CDKAL1: variants seen among roughly 807,000 people sequenced by gnomAD.
The protein encoded by CDKAL1 is threonylcarbamoyladenosine tRNA methylthiotransferase.
In CDKAL1, 32 loss-of-function variants were observed where a neutral mutation model predicts 68.2. That is an observed-to-expected ratio of 0.47 (90% CI 0.35 to 0.63). The LOEUF is 0.63. Ranked by LOEUF, CDKAL1 falls within the 30% of genes least tolerant of loss-of-function variation. The pLI is 0.00. For missense variants in CDKAL1, 606 were observed against 696.7 expected (o/e 0.87, Z 1.47); for synonymous variants, 234 against 244.3 (o/e 0.96, Z 0.39).
At chr6:20,603,083 T>C (rs2127714307) in intron 4 of CDKAL1, among the ~76,000 whole-genome samples, 1 of 152,326 alleles carries the variant, frequency 6.6e-6, no homozygotes, top group South Asian at 2.1e-4. Context: ...GTGATTTTTC[T>C]TCCTCTTCTA....
At chr6:20,567,821 C>T (rs1282391440) in intron 4 of CDKAL1, among the ~76,000 whole-genome samples, 1 of 152,130 alleles carries the variant, frequency 6.6e-6, no homozygotes, top group Non-Finnish European at 1.5e-5. Context: ...TCAAGAGATC[C>T]TCCTGCCTCA....
rs546339615 is a variant in CDKAL1 at position 21,004,140 on chromosome 6, C to T, written c.1055+3768C>T. ...ATAGCATTTAAGATTGAAATCCAAA[C>T]TGTGGGAGTTTACCTGAAGCTGCAA... On this transcript the variant is annotated intron_variant, in intron 11 of 15. Coordinates refer to ENST00000274695, the MANE Select transcript of CDKAL1 (RefSeq NM_017774.3). Among the ~76,000 whole-genome samples, 6 of 152,228 alleles carry T rather than the reference C, an allele frequency of 3.9e-5. No individual in the cohort carries two copies. The South Asian group carries it at 1.2e-3, about 32-fold the overall frequency.
At chr6:21,191,465 G>C (rs1034251891) in intron 13 of CDKAL1, among the ~76,000 whole-genome samples, 3 of 152,190 alleles carry the variant, frequency 2.0e-5, no homozygotes, top group African/African-American at 7.2e-5. Context: ...ATTGCTATTT[G>C]TTTGTCACAG....
rs1475970859 is a variant in CDKAL1 at position 20,575,458 on chromosome 6, A to G, written c.286+26753A>G. On this transcript the variant is annotated intron_variant, in intron 4 of 15. Coordinates refer to ENST00000274695, the MANE Select transcript of CDKAL1 (RefSeq NM_017774.3). ...GGGCACCACAAAAAAAAAAAAAAAA[A>G]AAAAGAAAGCAAACTGCTTTTAGAA... 4.0e-5 allele frequency among the ~76,000 whole-genome samples: 6 copies of G among 151,592 alleles called. No homozygotes were observed. The East Asian group carries it at 7.7e-4, about 19-fold the overall frequency.
At chr6:21,148,414 A>T (rs1776274785) in intron 13 of CDKAL1, among the ~76,000 whole-genome samples, 1 of 152,244 alleles carries the variant, frequency 6.6e-6, no homozygotes, top group Admixed American at 6.5e-5. Flanking sequence ...ATTAATCACC[A>T]GCTAGTCAAA....
At chr6:21,096,097 G>A (rs890627826) in intron 12 of CDKAL1, among the ~76,000 whole-genome samples, 6 of 152,138 alleles carry the variant, frequency 3.9e-5, no homozygotes, top group Admixed American at 3.9e-4. Context: ...GGTCCCAGTC[G>A]AGGAATCATC....
At chr6:20,550,883 T>TTTC (rs1561918724) in intron 4 of CDKAL1, among the ~76,000 whole-genome samples, 1 of 144,386 alleles carries the variant, frequency 6.9e-6, no homozygotes, top group African/African-American at 2.7e-5. Flanking sequence ...TTTTTTTTTT[T>TTTC]TGAGACAGAG....
chr6:20,582,188 A>G (rs1188327509), intron 4 of CDKAL1, among the ~76,000 whole-genome samples: 1 of 152,170 alleles, frequency 6.6e-6, no homozygotes, highest in East Asian at 1.9e-4. Context: ...TCTGTGAGAT[A>G]TGCTATGTGC....
chr6:21,003,201 T>G (rs940570387), intron 11 of CDKAL1, among the ~76,000 whole-genome samples: 7 of 150,536 alleles, frequency 4.7e-5, no homozygotes, highest in Admixed American at 4.0e-4. Flanking sequence ...TTATGGACAT[T>G]TAGAAGTAGA....
intron 9 of CDKAL1, among the ~76,000 whole-genome samples, chr6:20,860,005 T>C (rs1403039338): frequency 6.6e-6 from 1 of 152,200 alleles, no homozygotes; most frequent in African/African-American, 2.4e-5. Context: ...ACCACCTTTT[T>C]GAAGGGAACA....
chr6:21,180,617 C>T (rs1488796827), intron 13 of CDKAL1, among the ~76,000 whole-genome samples: 1 of 152,062 alleles, frequency 6.6e-6, no homozygotes, highest in African/African-American at 2.4e-5. Flanking sequence ...AATTTAAAAA[C>T]TTTTTTCCAG....
At chr6:21,123,730 A>G (rs1774844609) in intron 13 of CDKAL1, among the ~76,000 whole-genome samples, 1 of 152,188 alleles carries the variant, frequency 6.6e-6, no homozygotes, top group Non-Finnish European at 1.5e-5. Context: ...CCTATTTTTG[A>G]TGTGTTTATA....
intron 7 of CDKAL1, among the ~76,000 whole-genome samples, chr6:20,774,597 A>G (rs1053582380): frequency 6.6e-6 from 1 of 152,228 alleles, no homozygotes; most frequent in Non-Finnish European, 1.5e-5. Context: ...GAAGATCGAT[A>G]GACAGCATTG....
chr6:20,589,266 G>T lies in CDKAL1; in HGVS notation c.286+40561G>T, dbSNP rs184929008. ...CTAATGACAAAAAAATACTAATCTT[G>T]CATATTAATCTTGTTTTTACTTCAG... On this transcript the variant is annotated intron_variant, in intron 4 of 15. Transcript: ENST00000274695. Among the ~76,000 whole-genome samples the T allele has an allele frequency of 3.9e-3, 596 of 152,230 alleles. 3 individuals carry two copies. Among genetic ancestry groups the T allele is most frequent in the African/African-American group, 0.014 (562 of 41,554 alleles).
At chr6:21,031,955 C>T (rs1324005379) in intron 11 of CDKAL1, among the ~76,000 whole-genome samples, 1 of 152,062 alleles carries the variant, frequency 6.6e-6, no homozygotes, top group East Asian at 1.9e-4. Context: ...TTAATAGTAC[C>T]TCACTTTCAT....
intron 12 of CDKAL1, among the ~76,000 whole-genome samples, chr6:21,079,193 A>C (rs1772246911): frequency 6.6e-6 from 1 of 152,240 alleles, no homozygotes; most frequent in Non-Finnish European, 1.5e-5. Flanking sequence ...AGTGGAGAAC[A>C]ATATGCAGGA....
intron 7 of CDKAL1, among the ~76,000 whole-genome samples, chr6:20,763,339 A>G (rs1774551532): frequency 6.6e-6 from 1 of 152,134 alleles, no homozygotes; most frequent in South Asian, 2.1e-4. Context: ...TCTGGGATGG[A>G]AACAGCACCC....
intron 10 of CDKAL1, among the ~76,000 whole-genome samples, chr6:20,971,921 A>G (rs1256669930): frequency 6.6e-6 from 1 of 152,194 alleles, no homozygotes; most frequent in Non-Finnish European, 1.5e-5. Flanking sequence ...AAAAAAAATA[A>G]CGTGAAAAAA....
chr6:20,597,988 G>A (rs935427833), intron 4 of CDKAL1, among the ~76,000 whole-genome samples: 6 of 152,184 alleles, frequency 3.9e-5, no homozygotes, highest in African/African-American at 1.2e-4. Flanking sequence ...AAGGATGTGA[G>A]TGCTGAGCCA....
Sources: gnomAD v4.1 joint callset for allele counts (sites outside exome capture counted in the v4.1 genomes callset) on GRCh38, gnomAD v4.1.1 for gene constraint, MANE v1.5 for transcripts, NCBI Gene and HGNC (gene_info 2026-07-23, HGNC 2026-07-21) for gene names.